SDK1: variants seen among roughly 807,000 people sequenced by gnomAD.
SDK1 encodes the protein protein sidekick-1.
In SDK1, 157 loss-of-function variants were observed where a neutral mutation model predicts 245.5. The ratio of observed to expected loss-of-function variants is 0.64; its 90% CI spans 0.56 to 0.73. SDK1 has a LOEUF of 0.73. SDK1 is among the 30% of genes least tolerant of loss of function. The probability of loss-of-function intolerance (pLI) is 0.00; values close to 1 mark genes in which losing one functional copy is unlikely to be tolerated. For synonymous variants in SDK1, 1,647 were observed against 1,278.5 expected (o/e 1.29, Z -6.15); for missense variants, 3,583 against 3,002.3 (o/e 1.19, Z -4.52).
intron 17 of SDK1, among the ~76,000 whole-genome samples, chr7:4,020,977 G>C (rs78890018): frequency 6.6e-6 from 1 of 152,186 alleles, no homozygotes; most frequent in African/African-American, 2.4e-5. Flanking sequence ...GTGATGAAGA[G>C]TGTCTACTAG....
chr7:4,209,421 G>A (rs903109258), intron 37 of SDK1, among the ~76,000 whole-genome samples: 3 of 152,210 alleles, frequency 2.0e-5, no homozygotes, highest in African/African-American at 7.2e-5. Context: ...CGCCCGGGCA[G>A]AGGGGGAGCT....
chr7:4,047,578 G>A (rs927725504), intron 17 of SDK1, among the ~76,000 whole-genome samples: 2 of 152,310 alleles, frequency 1.3e-5, no homozygotes, highest in South Asian at 4.1e-4. Context: ...TTGTTCCTCT[G>A]GATGCTGTGT....
chr7:3,588,772 G>C (rs1780767825), intron 1 of SDK1, among the ~76,000 whole-genome samples: 1 of 152,182 alleles, frequency 6.6e-6, no homozygotes, highest in South Asian at 2.1e-4. Flanking sequence ...TATTATATGT[G>C]AGAAAATTGA....
At chr7:4,145,657 C>T in intron 28 of SDK1, 65 bp from the exon 29 acceptor site, 1 of 1,433,828 alleles carries the variant, frequency 7.0e-7, no homozygotes, top group Non-Finnish European at 9.5e-7. Flanking sequence ...AGGGTGTGGG[C>T]ACAGGGCTTC....
chr7:3,984,704 C>G (rs1024166276), intron 13 of SDK1, among the ~76,000 whole-genome samples: 9 of 152,174 alleles, frequency 5.9e-5, no homozygotes, highest in African/African-American at 2.2e-4. Context: ...AGCTGCCTGG[C>G]TCCTCGAGCC....
At chr7:3,629,284 G>C (rs1307676607) in intron 2 of SDK1, among the ~76,000 whole-genome samples, 2 of 148,430 alleles carry the variant, frequency 1.3e-5, no homozygotes, top group Non-Finnish European at 3.0e-5. Flanking sequence ...CTGGGAGACA[G>C]TACAATTCTC....
At chr7:3,966,756 A>T (rs1782114930) in intron 9 of SDK1, among the ~76,000 whole-genome samples, 2 of 151,812 alleles carry the variant, frequency 1.3e-5, no homozygotes, top group East Asian at 3.9e-4. Flanking sequence ...CACGATCATC[A>T]CTCACTGCAG....
intron 1 of SDK1, among the ~76,000 whole-genome samples, chr7:3,511,709 G>A (rs1782585175): frequency 6.6e-6 from 1 of 151,780 alleles, no homozygotes; most frequent in South Asian, 2.1e-4. Flanking sequence ...GACAGTTAAA[G>A]CATAAAAAGT....
At chr7:3,823,091 G>A (rs540175504) in intron 5 of SDK1, among the ~76,000 whole-genome samples, 11 of 152,280 alleles carry the variant, frequency 7.2e-5, no homozygotes, top group Middle Eastern at 6.8e-3. Flanking sequence ...AATGATGCAC[G>A]TGGATTAGGG....
intron 1 of SDK1, among the ~76,000 whole-genome samples, chr7:3,437,875 A>G (rs1428612595): frequency 6.6e-6 from 1 of 152,228 alleles, no homozygotes; most frequent in Non-Finnish European, 1.5e-5. Context: ...AACCAAGTGA[A>G]GGGATTACGT....
chr7:3,880,081 G>T (rs1176855073), intron 5 of SDK1, among the ~76,000 whole-genome samples: 3 of 152,174 alleles, frequency 2.0e-5, no homozygotes, highest in Non-Finnish European at 2.9e-5. Flanking sequence ...GGATGCCAAG[G>T]TCAATCATCT....
chr7:3,458,977 T>G (rs934312750), intron 1 of SDK1, among the ~76,000 whole-genome samples: 4 of 152,124 alleles, frequency 2.6e-5, no homozygotes, highest in Non-Finnish European at 5.9e-5. Context: ...AGTTTCCATG[T>G]AAAGTTTCCA....
intron 1 of SDK1, among the ~76,000 whole-genome samples, chr7:3,366,450 A>G (rs1781093817): frequency 6.6e-6 from 1 of 151,996 alleles, no homozygotes; most frequent in African/African-American, 2.4e-5. Flanking sequence ...AGTACTGGGT[A>G]ATTTTGCCAT....
chr7:3,834,196 A>T (rs12536057), intron 5 of SDK1, among the ~76,000 whole-genome samples: 28,291 of 151,812 alleles, frequency 0.19, 2,752 homozygotes, highest in Middle Eastern at 0.35. Flanking sequence ...ATTCTCCCCA[A>T]CTCCCTGCCC....
intron 4 of SDK1, among the ~76,000 whole-genome samples, chr7:3,751,031 C>G (rs1779759217): frequency 6.6e-6 from 1 of 152,178 alleles, no homozygotes; most frequent in African/African-American, 2.4e-5. Context: ...GCCTGCCCCC[C>G]ACCATCAGCA....
chr7:3,730,736 G>C (rs996369491), intron 4 of SDK1, among the ~76,000 whole-genome samples: 1 of 152,096 alleles, frequency 6.6e-6, no homozygotes, highest in Non-Finnish European at 1.5e-5. Flanking sequence ...AGAGTAAATG[G>C]ATCAACAGGC....
Position 4,112,910 on chromosome 7 carries a change from C to T in SDK1, c.3435-379C>T, listed in dbSNP as rs992374579. On this transcript the variant is annotated intron_variant, in intron 23 of 44. Coordinates refer to ENST00000404826, the MANE Select transcript of SDK1 (RefSeq NM_152744.4). ...CTGGGATTCCAGGCACCCGCCACCA[C>T]GCCTGGCTAATTTTTGTATTTTTAG... Among the ~76,000 whole-genome samples, 7 of 152,138 alleles carry T rather than the reference C, an allele frequency of 4.6e-5. No homozygotes were observed. The East Asian group carries it at 5.8e-4, about 13-fold the overall frequency.
intron 25 of SDK1, among the ~76,000 whole-genome samples, chr7:4,122,951 A>G (rs1405194977): frequency 2.6e-5 from 4 of 152,186 alleles, no homozygotes; most frequent in Non-Finnish European, 5.9e-5. Flanking sequence ...TCTTTGCTTT[A>G]GCTGCCTCAC....
At chr7:4,265,066 C>G (rs1222795172) in intron 44 of SDK1, 58 bp from the exon 45 acceptor site, 4 of 1,501,754 alleles carry the variant, frequency 2.7e-6, no homozygotes, top group African/African-American at 2.7e-5. Flanking sequence ...TCCTGCCCAG[C>G]ACGCTCCGGG....
Sources: allele counts gnomAD v4.1 joint callset (sites outside exome capture counted in the v4.1 genomes callset), GRCh38; gene constraint gnomAD v4.1.1; transcripts MANE v1.5; gene names NCBI Gene and HGNC (gene_info 2026-07-23, HGNC 2026-07-21).